Variants in WNT11 observed in about 807,000 individuals in gnomAD.
The protein encoded by WNT11 is Wnt family member 11.
WNT11 carries 20 observed loss-of-function variants against 35.6 expected under a neutral mutation model. The observed-to-expected ratio is 0.56, with a 90% confidence interval of 0.40 to 0.82. The LOEUF (loss-of-function observed/expected upper bound fraction) is 0.82, where lower values mean the gene tolerates loss of function less well. Among genes scored for constraint, WNT11 ranks in the 40% least tolerant of loss-of-function variants. The pLI is 0.00. For missense variants in WNT11, 459 were observed against 504.4 expected, an observed-to-expected ratio of 0.91 and a Z score of 0.86; for synonymous variants, 200 against 211.9, an observed-to-expected ratio of 0.94 and a Z score of 0.49.
At chr11:76,204,969 G>T (rs1953448584) in intron 1 of WNT11, among the ~76,000 whole-genome samples, 1 of 152,106 alleles carries the variant, frequency 6.6e-6, no homozygotes, top group East Asian at 1.9e-4. Context: ...AGAGAGCTTG[G>T]ACTCGCTGAT....
At chr11:76,195,994 G>T (rs139083311) in intron 2 of WNT11, among the ~76,000 whole-genome samples, 412 of 152,316 alleles carry the variant, frequency 2.7e-3, no homozygotes, top group Non-Finnish European at 4.5e-3. Flanking sequence ...CCTCCTGCAG[G>T]AAGTCTTCGA....
In WNT11 at chr11:76,196,624, G is replaced by A. The variant is rs150798006; in HGVS notation, c.178C>T (p.Arg60Cys). The A allele has an allele frequency of 1.4e-5, 22 of 1,613,560 alleles. No individual in the cohort carries two copies. Among genetic ancestry groups the A allele is most frequent in the African/African-American group, 2.7e-5 (2 of 74,934 alleles). ...GTGTGCATGAGCTCCAGGTTGCTGC[G>A]GCACAGCTGCACCTGTGCAGACACC... ...GLVSAQVQLC[R>C]SNLELMHTVV... Residue 60 changes from arginine (R) to cysteine (C), a missense_variant, in exon 2 of 5, where the codon CGC (arginine) becomes TGC (cysteine). Physicochemically the swap from Arg to Cys is radical, Grantham distance 180. Transcript: ENST00000322563.
chr11:76,192,467 G>T (rs1221246360), intron 3 of WNT11, among the ~76,000 whole-genome samples: 1 of 152,236 alleles, frequency 6.6e-6, no homozygotes, highest in Non-Finnish European at 1.5e-5. Flanking sequence ...CAGTGCTCCT[G>T]CCAGGCCACC....
intron 1 of WNT11, among the ~76,000 whole-genome samples, chr11:76,198,222 C>T (rs1953318323): frequency 6.6e-6 from 1 of 152,242 alleles, no homozygotes; most frequent in Non-Finnish European, 1.5e-5. Flanking sequence ...CCATCAACCT[C>T]CCAGTATTAA....
chr11:76,197,489 G>A (rs1057043074), intron 1 of WNT11, among the ~76,000 whole-genome samples: 2 of 152,218 alleles, frequency 1.3e-5, no homozygotes, highest in African/African-American at 2.4e-5. Context: ...AGGGATCCAT[G>A]TGGGGAACAC....
chr11:76,188,938 G>C (rs553721251), intron 4 of WNT11, among the ~76,000 whole-genome samples: 3 of 152,358 alleles, frequency 2.0e-5, no homozygotes, highest in African/African-American at 7.2e-5. Context: ...GATCAGTGCT[G>C]GGGGAGAGGC....
intron 4 of WNT11, among the ~76,000 whole-genome samples, chr11:76,190,311 C>T (rs1268193733): frequency 6.6e-6 from 1 of 152,122 alleles, no homozygotes; most frequent in African/African-American, 2.4e-5. Context: ...TCCTGCAGCC[C>T]TCCATGTTCT....
intron 1 of WNT11, among the ~76,000 whole-genome samples, chr11:76,200,538 A>C (rs1953358863): frequency 6.6e-6 from 1 of 152,124 alleles, no homozygotes; most frequent in Non-Finnish European, 1.5e-5. Context: ...CGGTTGACAG[A>C]GCCTCCCACT....
rs1441950448 is a variant in WNT11 at position 76,191,803 on chromosome 11, G to A, written c.651C>T (p.Ser217=). 13 of 1,610,164 alleles carry A rather than the reference G, an allele frequency of 8.1e-6. No individual in the cohort carries two copies. Among genetic ancestry groups the A allele is most frequent in the African/African-American group, 1.3e-5 (1 of 74,936 alleles). ...MKCKCHGVSG[S]CSIRTCWKGL... ...CCTTCCAGCAGGTGCGGATGGAGCA[G>A]GAGCCAGACACCCCATGGCACTTAC... is the stretch of plus-strand genomic sequence containing the variant. Residue 217 remains serine (S), a synonymous_variant, in exon 4 of 5, where the codon TCC becomes TCT. Coordinates refer to ENST00000322563, the MANE Select transcript of WNT11 (RefSeq NM_004626.3).
At chr11:76,191,499 T>G (rs1228766358) in intron 4 of WNT11, 65 bp downstream of exon 4, 17 of 1,547,100 alleles carry the variant, frequency 1.1e-5, no homozygotes, top group Non-Finnish European at 1.4e-5. Flanking sequence ...TGCGTGACCC[T>G]GAGCTGGGGA....
chr11:76,188,956 G>A (rs1321124940), intron 4 of WNT11, among the ~76,000 whole-genome samples: 1 of 152,216 alleles, frequency 6.6e-6, no homozygotes, highest in African/African-American at 2.4e-5. Context: ...GGCCAGGCCT[G>A]AGCCGGAAGG....
At chr11:76,206,213 G>A in intron 1 of WNT11, 112 bp downstream of exon 1, 4 of 1,022,608 alleles carry the variant, frequency 3.9e-6, no homozygotes, top group Non-Finnish European at 5.2e-6. Context: ...CGACCGCCAA[G>A]CCAGCTTAGG....
intron 1 of WNT11, among the ~76,000 whole-genome samples, chr11:76,201,065 T>C (rs1181354920): frequency 6.6e-6 from 1 of 152,200 alleles, no homozygotes; most frequent in Non-Finnish European, 1.5e-5. Context: ...GCTGGGACCC[T>C]GGGGTGAGCC....
upstream of WNT11, among the ~76,000 whole-genome samples, chr11:76,209,146 C>T (rs1477850432): frequency 6.6e-6 from 1 of 152,152 alleles, no homozygotes; most frequent in Admixed American, 6.5e-5. Context: ...CTGACCTGCC[C>T]GGCCCCTTGC....
intron 1 of WNT11, among the ~76,000 whole-genome samples, chr11:76,202,599 C>T (rs1953398341): frequency 6.6e-6 from 1 of 152,128 alleles, no homozygotes; most frequent in African/African-American, 2.4e-5. Flanking sequence ...AGCTCTCCCT[C>T]CACGACTCCT....
chr11:76,187,302 G>C, intron 4 of WNT11, 63 bp from the exon 5 acceptor site: 1 of 1,507,582 alleles, frequency 6.6e-7, no homozygotes, highest in Non-Finnish European at 8.9e-7. Flanking sequence ...AACACCCCAT[G>C]ACTCCCAGCC....
chr11:76,195,863 T>C (rs547058580), intron 2 of WNT11, among the ~76,000 whole-genome samples: 1 of 152,330 alleles, frequency 6.6e-6, no homozygotes, highest in Non-Finnish European at 1.5e-5. Flanking sequence ...TGCTACTGTT[T>C]AGGACCCACA....
chr11:76,186,853 C>A lies in WNT11; in HGVS notation c.*212G>T, dbSNP rs931867225. The A allele has an allele frequency of 9.5e-6, 7 of 740,066 alleles. No homozygotes were observed. In the African/African-American group the frequency reaches 1.0e-4, roughly 11 times the overall value. 45.8% of individuals were successfully genotyped at this position (740,066 alleles called of 1,614,324 possible). A position where few individuals can be genotyped will look rare whatever the true frequency, so the allele number is the denominator to read the frequency against. On this transcript the variant is annotated 3_prime_UTR_variant, in exon 5 of 5. Coordinates refer to ENST00000322563, the MANE Select transcript of WNT11 (RefSeq NM_004626.3). ...GCTGCCAAGTTATTTTTAATCTTGTCGGTTTCCTTTGATGTCCTGCCCTCC... is the reference window on the plus strand; with the variant it reads ...GCTGCCAAGTTATTTTTAATCTTGTAGGTTTCCTTTGATGTCCTGCCCTCC...
chr11:76,191,851 C>T lies in WNT11; in HGVS notation c.603G>A (p.Leu201=), dbSNP rs1341965147. The change falls in exon 4 of 5, where the codon CTG becomes CTA. Residue 201 remains leucine (L), a synonymous_variant. Coordinates refer to ENST00000322563, the MANE Select transcript of WNT11 (RefSeq NM_004626.3). ...LHNSEVGRQA[L]RASLEMKCKC... is the part of the protein sequence containing the mutation. ...TACACTTCATTTCCAGAGAGGCGCG[C>T]AGAGCCTGCGGACAGGGGAAGGCGT... is the stretch of plus-strand genomic sequence containing the variant. The T allele has an allele frequency of 6.3e-7, 1 of 1,597,974 alleles. No homozygotes were observed. The highest frequency in any genetic ancestry group is 8.5e-7 in the Non-Finnish European group (1 of 1,177,426).
Sources: allele counts gnomAD v4.1 joint callset (sites outside exome capture counted in the v4.1 genomes callset), GRCh38; gene constraint gnomAD v4.1.1; transcripts MANE v1.5; gene names NCBI Gene and HGNC (gene_info 2026-07-23, HGNC 2026-07-21).